The following ITIH6 variants were observed in gnomAD, a reference collection of about 807,000 sequenced individuals.
The protein encoded by ITIH6 is inter-alpha-trypsin inhibitor heavy chain family member 6, also known as inter-alpha-trypsin inhibitor heavy chain H6.
A neutral mutation model predicts 58.2 loss-of-function variants in ITIH6; 60 were observed. The ratio of observed to expected loss-of-function variants is 1.03; its 90% CI spans 0.84 to 1.28. The LOEUF (loss-of-function observed/expected upper bound fraction) is 1.28. Among genes scored for constraint, ITIH6 ranks in the 50% most tolerant of loss-of-function variants. The pLI is 0.00. For synonymous variants in ITIH6, 493 were observed against 417.4 expected, an observed-to-expected ratio of 1.18 and a Z score of -2.21; for missense variants, 1,290 against 1,021.1, an observed-to-expected ratio of 1.26 and a Z score of -3.59.
intron 2 of ITIH6, among the ~76,000 whole-genome samples, chrX:54,794,928 A>C (rs1388800214): frequency 9.0e-6 from 1 of 111,547 alleles, no homozygotes; most frequent in East Asian, 2.8e-4. Flanking sequence ...TTATCACCTC[A>C]ACAGGGTACT....
At chrX:54,791,107 T>A in intron 3 of ITIH6, 23 bp from the exon 4 acceptor site, 1 of 1,206,751 alleles carries the variant, frequency 8.3e-7, no homozygotes, top group South Asian at 1.8e-5. Flanking sequence ...GGGAGGATGG[T>A]GGGAAGAGAA....
At chrX:54,786,840 G>A (rs1929250827) in intron 5 of ITIH6, among the ~76,000 whole-genome samples, 2 of 111,588 alleles carry the variant, frequency 1.8e-5, no homozygotes, top group Non-Finnish European at 3.8e-5. Context: ...ACCCTTCCGG[G>A]TTCCCAACGT....
intron 11 of ITIH6, 55 bp downstream of exon 11, chrX:54,753,596 T>G: frequency 2.3e-6 from 2 of 886,906 alleles, no homozygotes; most frequent in Non-Finnish European, 3.3e-6. Flanking sequence ...CTAGGGGTAT[T>G]GACATGGATA....
In ITIH6 at chrX:54,757,605, G is replaced by C; in HGVS notation, c.2469C>G (p.His823Gln). 3 of 1,211,360 alleles carry C rather than the reference G, an allele frequency of 2.5e-6. No individual in the cohort carries two copies. The highest frequency in any genetic ancestry group is 3.4e-6 in the Non-Finnish European group (3 of 895,318). ...STLQVPKYPL[H>Q]TRPRVPAPKT... ...TGGGAGCAGGAACCCTAGGTCTGGT[G>C]TGTAGTGGGTACTTGGGAACCTGAA... The change falls in exon 8 of 13, where the codon CAC becomes CAG. Residue 823 changes from histidine (H) to glutamine (Q), a missense_variant. Physicochemically the swap from His to Gln is conservative, Grantham distance 24. Transcript: ENST00000218436.
chrX:54,757,047 C>G lies in ITIH6; in HGVS notation c.3027G>C (p.Leu1009=), dbSNP rs752258597. 37 of 1,211,206 alleles carry G rather than the reference C, an allele frequency of 3.1e-5. No individual in the cohort carries two copies. Among genetic ancestry groups the G allele is most frequent in the South Asian group, 2.3e-4 (13 of 56,775 alleles). The change falls in exon 8 of 13, where the codon CTG becomes CTC. Residue 1009 remains leucine (L), a synonymous_variant. Coordinates refer to ENST00000218436, the MANE Select transcript of ITIH6 (RefSeq NM_198510.3). ...LLLLPEELEL[L]SESMVESKFV... is the part of the protein sequence containing the mutation. ...ACTTGGATTCCACCATTGATTCAGA[C>G]AGCAGCTCTAGCTCCTCAGGGAGAA...
At chrX:54,761,761 T>C (rs1376584963) in intron 6 of ITIH6, among the ~76,000 whole-genome samples, 1 of 111,284 alleles carries the variant, frequency 9.0e-6, no homozygotes, top group East Asian at 2.8e-4. Context: ...TGTGTGGTAT[T>C]ATTTCTGAGG....
chrX:54,767,693 G>T (rs1256745722), intron 6 of ITIH6, among the ~76,000 whole-genome samples: 3 of 103,447 alleles, frequency 2.9e-5, no homozygotes, highest in African/African-American at 1.1e-4. Context: ...CCATGTAGTT[G>T]AGCGGCTTTG....
chrX:54,796,938 T>C lies in ITIH6; in HGVS notation c.257+4A>G. On this transcript the variant is annotated splice_donor_region_variant and intron_variant, in intron 2 of 12. Transcript: ENST00000218436. ...TGAAGTGGTGACTTTGGAAGCAGAC[T>C]TACATAGTGAAATTGGAGATAAAGG... 8.3e-7 allele frequency: 1 copy of C among 1,209,271 alleles called. No homozygotes were observed. The highest frequency in any genetic ancestry group is 1.8e-5 in the South Asian group (1 of 56,697).
chrX:54,774,203 CCAAA>C lies in ITIH6; in HGVS notation c.787-10_787-7del. ...ATGAAATAGTCATCGTAAATCTGGA[CCAAA>C]AAAAAAAAAAAAAAAGTAGAACCAA... On this transcript the variant is annotated splice_region_variant and splice_polypyrimidine_tract_variant and intron_variant, in intron 5 of 12. Transcript: ENST00000218436. 3.1e-6 allele frequency: 2 copies of C among 649,233 alleles called. No homozygotes were observed. Among genetic ancestry groups the C allele is most frequent in the Admixed American group, 4.7e-5 (1 of 21,372 alleles). 53.5% of individuals were successfully genotyped at this position (649,233 alleles called of 1,213,427 possible).
rs375032987 is a variant in ITIH6 at position 54,791,900 on chromosome X, A to C, written c.368+26T>G. The C allele has an allele frequency of 7.7e-5, 66 of 860,244 alleles. No individual in the cohort carries two copies. In the Admixed American group the frequency reaches 1.5e-3, roughly 19 times the overall value. 70.9% of individuals were successfully genotyped at this position (860,244 alleles called of 1,213,427 possible). On this transcript the variant is annotated intron_variant, in intron 3 of 12. Transcript: ENST00000218436. Reference sequence around the variant, plus strand: ...ATCACACAGCTAAGATGATTAAGTCATGTTTTGGACTGGATGGGGCCTTAC... The same window carrying C: ...ATCACACAGCTAAGATGATTAAGTCCTGTTTTGGACTGGATGGGGCCTTAC...
At position 54,758,234 on chromosome X, in the gene ITIH6, T is replaced by C; in HGVS notation, c.1840A>G (p.Lys614Glu). 1.7e-6 allele frequency: 2 copies of C among 1,211,058 alleles called. No homozygotes were observed. The highest frequency in any genetic ancestry group is 2.2e-6 in the Non-Finnish European group (2 of 895,174). The change falls in exon 8 of 13, where the codon AAA (lysine) becomes GAA (glutamate). Residue 614 changes from lysine (K) to glutamate (E), a missense_variant. Coordinates refer to ENST00000218436, the MANE Select transcript of ITIH6 (RefSeq NM_198510.3). ...PLTSLVMVQP[K>E]QASEETRRQT... is the part of the protein sequence containing the mutation. ...CTCCTGGTCTCCTCACTGGCCTGTT[T>C]GGGTTGCACCATGACCAGTGAAGTC...
chrX:54,796,860 A>G lies in ITIH6; in HGVS notation c.257+82T>C, dbSNP rs745544282. On this transcript the variant is annotated intron_variant, in intron 2 of 12. Coordinates refer to ENST00000218436, the MANE Select transcript of ITIH6 (RefSeq NM_198510.3). ...CTCAGAGTGCATTGTCTTAATCACT[A>G]TGCTCTGCTGACAGAATAAGCACAA... 5.2e-5 allele frequency: 51 copies of G among 989,889 alleles called. No homozygotes were observed. In the African/African-American group the frequency reaches 7.2e-4, roughly 14 times the overall value. 81.6% of individuals were successfully genotyped at this position (989,889 alleles called of 1,213,427 possible). A position where few individuals can be genotyped will look rare whatever the true frequency, so the allele number is the denominator to read the frequency against.
chrX:54,757,354 G>A lies in ITIH6; in HGVS notation c.2720C>T (p.Thr907Ile), dbSNP rs770991076. 5 of 1,207,201 alleles carry A rather than the reference G, an allele frequency of 4.1e-6. No homozygotes were observed. Among genetic ancestry groups the A allele is most frequent in the Non-Finnish European group, 5.6e-6 (5 of 893,061 alleles). ...LPESLSTFPN[T>I]ISSSTGPSST... ...GCTGGGACCTGTGGAACTTGAGATTGTATTTGGGAATGTGCTTAGGCTCTC... is the reference window on the plus strand; with the variant it reads ...GCTGGGACCTGTGGAACTTGAGATTATATTTGGGAATGTGCTTAGGCTCTC... Residue 907 changes from threonine to isoleucine, a missense_variant, in exon 8 of 13, where the codon ACA (threonine) becomes ATA (isoleucine). By Grantham distance (89) the Thr-to-Ile change is moderately conservative (BLOSUM62 -1). Transcript: ENST00000218436.
chrX:54,749,567 C>A lies in ITIH6; in HGVS notation c.*328G>T. ...GGAAACTCTGAGAGCCTTGAATATG[C>A]CATAGGAGTTAGGGAAAGCTGTGAG... On this transcript the variant is annotated 3_prime_UTR_variant, in exon 13 of 13. Coordinates refer to ENST00000218436, the MANE Select transcript of ITIH6 (RefSeq NM_198510.3). 4.6e-6 allele frequency: 1 copy of A among 216,057 alleles called. No homozygotes were observed. Among genetic ancestry groups the A allele is most frequent in the Non-Finnish European group, 8.4e-6 (1 of 119,348 alleles). The allele number at this position is 216,057 out of a possible 1,213,427, so 17.8% of individuals were successfully genotyped here.
chrX:54,758,736 C>G lies in ITIH6; in HGVS notation c.1338G>C (p.Arg446=). 1 of 1,211,264 alleles carries G rather than the reference C, an allele frequency of 8.3e-7. No individual in the cohort carries two copies. The highest frequency in any genetic ancestry group is 1.1e-6 in the Non-Finnish European group (1 of 895,244). The change falls in exon 8 of 13, where the codon CGG becomes CGC. Residue 446 remains arginine (R), a synonymous_variant. Transcript: ENST00000218436. The stretch of plus-strand genomic sequence containing the variant: ...CCTCATATATGCGCCGGGCTATTCC[C>G]CGGTTTTCCAGGGACAGGCGGCGCA... ...TLLRRLSLEN[R]GIARRIYEDT...
rs1928324211 is a variant in ITIH6 at position 54,750,113 on chromosome X, G to C, written c.3731-7C>G. The C allele has an allele frequency of 2.5e-6, 3 of 1,187,591 alleles. No individual in the cohort carries two copies. The highest frequency in any genetic ancestry group is 3.4e-6 in the Non-Finnish European group (3 of 878,055). On this transcript the variant is annotated splice_region_variant and splice_polypyrimidine_tract_variant and intron_variant, in intron 12 of 12. Coordinates refer to ENST00000218436, the MANE Select transcript of ITIH6 (RefSeq NM_198510.3). ...TCTGCGTGCTGGAACTGCCCTGAGG[G>C]AGAGAGATGCAGTGCTAGTCAGGGA...
At position 54,753,920 on chromosome X, in the gene ITIH6, A is replaced by G. The variant is rs1238173903; in HGVS notation, c.3238+10T>C. 1 of 1,205,692 alleles carries G rather than the reference A, an allele frequency of 8.3e-7. No homozygotes were observed. Among genetic ancestry groups the G allele is most frequent in the Non-Finnish European group, 1.1e-6 (1 of 892,123 alleles). ...CTCAAACAGGGGAGCCATGGGGGTG[A>G]CTGGCTTACCTGAGGAGGAGAAGGT... On this transcript the variant is annotated intron_variant, in intron 10 of 12. Coordinates refer to ENST00000218436, the MANE Select transcript of ITIH6 (RefSeq NM_198510.3).
chrX:54,775,652 C>T (rs1798653578), intron 5 of ITIH6, among the ~76,000 whole-genome samples: 1 of 111,816 alleles, frequency 8.9e-6, no homozygotes, highest in African/African-American at 3.3e-5. Flanking sequence ...AAGACTAGCT[C>T]TTGTCCCCAG....
Position 54,758,783 on chromosome X carries a change from C to A in ITIH6, c.1291G>T (p.Asp431Tyr), listed in dbSNP as rs762001249. 3 of 1,207,553 alleles carry A rather than the reference C, an allele frequency of 2.5e-6. No homozygotes were observed. The highest frequency in any genetic ancestry group is 3.4e-6 in the Non-Finnish European group (3 of 893,639). Reference protein sequence around the residue: ...RVSLFSLAFGDDADFTLLRRL... With the variant: ...RVSLFSLAFGYDADFTLLRRL... ...CGCAGCAGTGTAAAGTCAGCATCAT[C>A]CCCAAAGGCCAAGCTGAAAAGGGAT... is the stretch of plus-strand genomic sequence containing the variant. The change falls in exon 8 of 13, where the codon GAT becomes TAT. Residue 431 changes from aspartate (D) to tyrosine (Y), a missense_variant. Physicochemically the swap from Asp to Tyr is radical, Grantham distance 160. Coordinates refer to ENST00000218436, the MANE Select transcript of ITIH6 (RefSeq NM_198510.3).
Sources: allele counts gnomAD v4.1 joint callset (sites outside exome capture counted in the v4.1 genomes callset), GRCh38; gene constraint gnomAD v4.1.1; transcripts MANE v1.5; gene names NCBI Gene and HGNC (gene_info 2026-07-23, HGNC 2026-07-21).